The following NLGN1 variants were observed in gnomAD, a reference collection of about 807,000 sequenced individuals.
NLGN1 encodes neuroligin 1.
NLGN1 carries 12 observed loss-of-function variants against 65.5 expected under a neutral mutation model. That is an observed-to-expected ratio of 0.18 (90% CI 0.12 to 0.30). NLGN1 has a LOEUF of 0.30. Ranked by LOEUF, NLGN1 falls within the 10% of genes least tolerant of loss-of-function variation. The pLI is 1.00. For missense variants in NLGN1, 750 were observed against 1,007.1 expected, an observed-to-expected ratio of 0.74 and a Z score of 3.46; for synonymous variants, 350 against 359.5, an observed-to-expected ratio of 0.97 and a Z score of 0.30.
chr3:174,165,704 G>A (rs1727360490), intron 4 of NLGN1, among the ~76,000 whole-genome samples: 1 of 151,978 alleles, frequency 6.6e-6, no homozygotes, highest in African/African-American at 2.4e-5. Context: ...TGGTGAGTCT[G>A]GCCTGATACA....
At chr3:174,027,294 A>G (rs548641480) in intron 4 of NLGN1, among the ~76,000 whole-genome samples, 11 of 151,980 alleles carry the variant, frequency 7.2e-5, no homozygotes, top group South Asian at 4.2e-4. Context: ...TGAAACTCCA[A>G]CCCTTCTCTC....
At chr3:173,861,872 C>T (rs1056421144) in intron 4 of NLGN1, among the ~76,000 whole-genome samples, 7 of 151,692 alleles carry the variant, frequency 4.6e-5, no homozygotes, top group African/African-American at 7.3e-5. Flanking sequence ...GATTCTCATG[C>T]CTCAGCCTCC....
intron 3 of NLGN1, among the ~76,000 whole-genome samples, chr3:173,803,686 A>C (rs1285335197): frequency 3.9e-5 from 6 of 152,134 alleles, no homozygotes; most frequent in Admixed American, 3.9e-4. Flanking sequence ...TTTTAAGCTA[A>C]AAAGGTGTGT....
chr3:173,627,948 A>G (rs1241373568), intron 3 of NLGN1, among the ~76,000 whole-genome samples: 1 of 150,686 alleles, frequency 6.6e-6, no homozygotes, highest in Non-Finnish European at 1.5e-5. Flanking sequence ...TATTGATTTT[A>G]TACCTCATTC....
chr3:173,883,609 G>T (rs1054824352), intron 4 of NLGN1, among the ~76,000 whole-genome samples: 4 of 152,018 alleles, frequency 2.6e-5, no homozygotes, highest in African/African-American at 9.7e-5. Context: ...TCTACAAAGT[G>T]CAATAGTGTG....
chr3:173,573,998 G>A (rs1333899286), intron 2 of NLGN1, among the ~76,000 whole-genome samples: 1 of 144,766 alleles, frequency 6.9e-6, no homozygotes, highest in Non-Finnish European at 1.5e-5. Context: ...AGGAGGCGGA[G>A]CTTGCAGTGA....
chr3:173,535,926 C>T (rs750414144), intron 2 of NLGN1, among the ~76,000 whole-genome samples: 21 of 152,216 alleles, frequency 1.4e-4, no homozygotes, highest in Non-Finnish European at 2.6e-4. Context: ...TCAGGTCTCA[C>T]TGTCTGAGAC....
chr3:173,452,191 A>G (rs1322657014), intron 2 of NLGN1, among the ~76,000 whole-genome samples: 1 of 147,368 alleles, frequency 6.8e-6, no homozygotes, highest in Non-Finnish European at 1.5e-5. Flanking sequence ...CTATTCGGCC[A>G]TCTTGGCTTC....
intron 3 of NLGN1, among the ~76,000 whole-genome samples, chr3:173,701,787 C>G (rs571056221): frequency 6.6e-6 from 1 of 152,212 alleles, no homozygotes; most frequent in South Asian, 2.1e-4. Context: ...TAACTAATGC[C>G]AGTGGAGATA....
At chr3:173,844,546 T>A (rs953480819) in intron 4 of NLGN1, among the ~76,000 whole-genome samples, 3 of 152,178 alleles carry the variant, frequency 2.0e-5, no homozygotes, top group Non-Finnish European at 4.4e-5. Flanking sequence ...AGGAAGAAGC[T>A]GAGGTACCTG....
intron 4 of NLGN1, among the ~76,000 whole-genome samples, chr3:174,063,151 G>C (rs1029578243): frequency 1.1e-4 from 16 of 152,228 alleles, no homozygotes; most frequent in African/African-American, 3.1e-4. Context: ...ATGGAATACA[G>C]CTGATCTCTC....
intron 3 of NLGN1, among the ~76,000 whole-genome samples, chr3:173,713,595 A>T (rs1447178877): frequency 1.3e-5 from 2 of 152,078 alleles, no homozygotes; most frequent in African/African-American, 4.8e-5. Flanking sequence ...TTCTGTACAG[A>T]TATTTTCTAG....
chr3:174,164,826 C>T (rs1487519440), intron 4 of NLGN1, among the ~76,000 whole-genome samples: 2 of 150,910 alleles, frequency 1.3e-5, no homozygotes, highest in African/African-American at 2.4e-5. Context: ...CTGTTTTTTT[C>T]CAGTGCTGTG....
chr3:173,975,624 A>G (rs1217079498), intron 4 of NLGN1, among the ~76,000 whole-genome samples: 1 of 152,018 alleles, frequency 6.6e-6, no homozygotes, highest in Middle Eastern at 3.2e-3. Flanking sequence ...GACATTACCC[A>G]AGATTGCATG....
intron 2 of NLGN1, among the ~76,000 whole-genome samples, chr3:173,507,357 A>T (rs1241797301): frequency 2.7e-5 from 4 of 149,836 alleles, no homozygotes; most frequent in African/African-American, 4.9e-5. Flanking sequence ...CAATTAAAAT[A>T]AAAAAAAATG....
chr3:173,947,708 A>G (rs986419283), intron 4 of NLGN1, among the ~76,000 whole-genome samples: 9 of 152,222 alleles, frequency 5.9e-5, no homozygotes, highest in African/African-American at 2.2e-4. Flanking sequence ...TTTTTAGCTT[A>G]ATAAAATTAA....
At chr3:174,216,513 C>T (rs1283645170) in intron 4 of NLGN1, among the ~76,000 whole-genome samples, 1 of 152,046 alleles carries the variant, frequency 6.6e-6, no homozygotes, top group African/African-American at 2.4e-5. Flanking sequence ...ATCTTTCAGT[C>T]GTGTTAGTCT....
intron 4 of NLGN1, among the ~76,000 whole-genome samples, chr3:174,213,317 T>C (rs1577388912): frequency 6.6e-6 from 1 of 152,222 alleles, no homozygotes. Flanking sequence ...TGTTAGAGTA[T>C]AATTTTCTGA....
At chr3:174,227,672 C>G (rs932284625) in intron 4 of NLGN1, among the ~76,000 whole-genome samples, 20 of 151,926 alleles carry the variant, frequency 1.3e-4, no homozygotes, top group Admixed American at 9.8e-4. Flanking sequence ...TCAAAAGAGG[C>G]AAAGAAAATT....
Sources: gnomAD v4.1 joint callset for allele counts (sites outside exome capture counted in the v4.1 genomes callset) on GRCh38, gnomAD v4.1.1 for gene constraint, MANE v1.5 for transcripts, NCBI Gene and HGNC (gene_info 2026-07-23, HGNC 2026-07-21) for gene names.